The following NPAS3 variants were observed in gnomAD, a reference collection of about 807,000 sequenced individuals.
NPAS3 encodes neuronal PAS domain-containing protein 3.
NPAS3 carries 14 observed loss-of-function variants against 73.1 expected under a neutral mutation model. The observed-to-expected ratio is 0.19, with a 90% CI of 0.13 to 0.30. The LOEUF is 0.30. Among genes scored for constraint, NPAS3 ranks in the 10% least tolerant of loss-of-function variants. NPAS3 has a pLI of 1.00. For missense variants in NPAS3, 1,096 were observed against 1,250.0 expected (o/e 0.88, Z 1.86); for synonymous variants, 620 against 541.5 (o/e 1.14, Z -2.01).
At chr14:33,400,487 T>G (rs1358893527) in intron 4 of NPAS3, among the ~76,000 whole-genome samples, 1 of 152,162 alleles carries the variant, frequency 6.6e-6, no homozygotes, top group African/African-American at 2.4e-5. Context: ...CAGCATTAAC[T>G]AAAGGCGAAG....
rs73254905 is a variant in NPAS3, at chr14:33,219,343, G to A, written c.385+3917G>A. On this transcript the variant is annotated intron_variant, in intron 3 of 11. Coordinates refer to ENST00000356141, the Ensembl canonical transcript of NPAS3. The stretch of plus-strand genomic sequence containing the variant: ...CTTCAGTCAATTTTAAGAGTCTGTC[G>A]TCTGCTGCAACTCTATTAATCTAGG... Among the ~76,000 whole-genome samples, 177 of 152,252 alleles carry A rather than the reference G, an allele frequency of 1.2e-3. 1 individual carries two copies. Among genetic ancestry groups the A allele is most frequent in the African/African-American group, 4.2e-3 (175 of 41,556 alleles).
At chr14:33,236,167 G>GA (rs1180654604) in intron 3 of NPAS3, among the ~76,000 whole-genome samples, 11 of 151,356 alleles carry the variant, frequency 7.3e-5, no homozygotes, top group East Asian at 1.9e-4. Flanking sequence ...TGTCACCACT[G>GA]AAAAAAAACC....
At chr14:33,577,494 A>G (rs1350488626) in intron 5 of NPAS3, among the ~76,000 whole-genome samples, 2 of 152,146 alleles carry the variant, frequency 1.3e-5, no homozygotes, top group African/African-American at 4.8e-5. Context: ...TGGTCAAAGT[A>G]ACCTTGTGAG....
intron 3 of NPAS3, among the ~76,000 whole-genome samples, chr14:33,326,841 C>T (rs2043731358): frequency 6.6e-6 from 1 of 152,068 alleles, no homozygotes; most frequent in Admixed American, 6.6e-5. Context: ...AAAGAAATGT[C>T]GGTAGCAGGT....
chr14:33,395,712 G>T (rs1168860244), intron 4 of NPAS3, among the ~76,000 whole-genome samples: 3 of 152,072 alleles, frequency 2.0e-5, no homozygotes, highest in African/African-American at 7.2e-5. Flanking sequence ...TGTTCTGTCA[G>T]GTCCCCTGGG....
intron 4 of NPAS3, among the ~76,000 whole-genome samples, chr14:33,374,007 C>G (rs753314909): frequency 3.3e-5 from 5 of 152,014 alleles, no homozygotes; most frequent in Non-Finnish European, 5.9e-5. Context: ...CCCTCTTGTT[C>G]AGGACACAAA....
At chr14:33,602,481 A>G (rs2149835) in intron 5 of NPAS3, among the ~76,000 whole-genome samples, 17,267 of 152,232 alleles carry the variant, frequency 0.11, 1,478 homozygotes, top group East Asian at 0.24. Context: ...TTCAAGCACT[A>G]GGAACGATAC....
intron 2 of NPAS3, among the ~76,000 whole-genome samples, chr14:33,068,535 G>A (rs1354098577): frequency 6.6e-6 from 1 of 152,118 alleles, no homozygotes; most frequent in African/African-American, 2.4e-5. Flanking sequence ...TCTCAAAGTT[G>A]GATGATTCTC....
At chr14:33,321,326 A>G (rs1173756264) in intron 3 of NPAS3, among the ~76,000 whole-genome samples, 1 of 152,140 alleles carries the variant, frequency 6.6e-6, no homozygotes, top group Non-Finnish European at 1.5e-5. Context: ...TTTATCCTCA[A>G]GAGATACTAT....
chr14:33,405,398 A>G (rs2047621942), intron 4 of NPAS3, among the ~76,000 whole-genome samples: 2 of 152,108 alleles, frequency 1.3e-5, no homozygotes, highest in African/African-American at 4.8e-5. Context: ...GAAGTAATTC[A>G]CAAGTGGGTA....
intron 4 of NPAS3, among the ~76,000 whole-genome samples, chr14:33,548,487 T>C (rs1388521513): frequency 1.3e-5 from 2 of 152,224 alleles, no homozygotes; most frequent in Non-Finnish European, 2.9e-5. Context: ...TTACTTTCGA[T>C]GAGCACATCA....
At chr14:32,995,587 A>T (rs2038534592) in intron 1 of NPAS3, among the ~76,000 whole-genome samples, 1 of 152,200 alleles carries the variant, frequency 6.6e-6, no homozygotes, top group Non-Finnish European at 1.5e-5. Context: ...TGATTTAAAC[A>T]TGGGGGCAGG....
At chr14:33,128,825 C>A (rs752122583) in intron 2 of NPAS3, among the ~76,000 whole-genome samples, 9 of 152,106 alleles carry the variant, frequency 5.9e-5, no homozygotes, top group Non-Finnish European at 1.0e-4. Flanking sequence ...AATGCCCTTT[C>A]CAACCAGAGA....
At chr14:33,519,003 C>T (rs1389792714) in intron 4 of NPAS3, among the ~76,000 whole-genome samples, 1 of 152,162 alleles carries the variant, frequency 6.6e-6, no homozygotes, top group African/African-American at 2.4e-5. Flanking sequence ...CTCTTGGTCC[C>T]AACCTGGTAG....
chr14:33,067,579 C>T (rs1279864248), intron 2 of NPAS3, among the ~76,000 whole-genome samples: 1 of 152,242 alleles, frequency 6.6e-6, no homozygotes, highest in Non-Finnish European at 1.5e-5. Context: ...TGTAAGCACT[C>T]CCATGAGCAT....
At chr14:33,280,117 G>T (rs1395180961) in intron 3 of NPAS3, among the ~76,000 whole-genome samples, 1 of 152,132 alleles carries the variant, frequency 6.6e-6, no homozygotes, top group Non-Finnish European at 1.5e-5. Context: ...CACACAAGAA[G>T]CTTATCTCTG....
chr14:32,978,384 G>A (rs1295270156), intron 1 of NPAS3, among the ~76,000 whole-genome samples: 2 of 152,166 alleles, frequency 1.3e-5, no homozygotes, highest in African/African-American at 2.4e-5. Flanking sequence ...ACAACTCAGA[G>A]AGCATCATTT....
chr14:33,526,779 T>C (rs1270339369), intron 4 of NPAS3, among the ~76,000 whole-genome samples: 2 of 152,112 alleles, frequency 1.3e-5, no homozygotes, highest in African/African-American at 4.8e-5. Flanking sequence ...AGGCAAATTG[T>C]TCAGGATGAA....
chr14:33,151,552 T>G (rs995318734), intron 2 of NPAS3, among the ~76,000 whole-genome samples: 2 of 152,232 alleles, frequency 1.3e-5, no homozygotes, highest in African/African-American at 2.4e-5. Context: ...CCTCATGATT[T>G]ATTTTGAAAA....
Sources: gnomAD v4.1 joint callset for allele counts (sites outside exome capture counted in the v4.1 genomes callset) on GRCh38, gnomAD v4.1.1 for gene constraint, MANE v1.5 for transcripts, NCBI Gene and HGNC (gene_info 2026-07-23, HGNC 2026-07-21) for gene names.